ITGB7: variants seen among roughly 807,000 people sequenced by gnomAD.
ITGB7 encodes the protein integrin subunit beta 7.
In ITGB7, 55 loss-of-function variants were observed where a neutral mutation model predicts 83.4. The observed-to-expected ratio is 0.66, with a 90% CI of 0.53 to 0.83. The LOEUF is 0.83. Ranked by LOEUF, ITGB7 falls within the 40% of genes least tolerant of loss-of-function variation. ITGB7 has a pLI of 0.00. For synonymous variants in ITGB7, 454 were observed against 423.6 expected (o/e 1.07, Z -0.88); for missense variants, 921 against 1,046.7 (o/e 0.88, Z 1.66).
intron 3 of ITGB7, among the ~76,000 whole-genome samples, chr12:53,198,315 C>T (rs1046623191): frequency 1.3e-5 from 2 of 151,986 alleles, no homozygotes; most frequent in Non-Finnish European, 2.9e-5. Context: ...TTAGTAGAGA[C>T]GGGATTTCCC....
chr12:53,192,505 G>C lies in ITGB7; in HGVS notation c.1980C>G (p.Gly660=), dbSNP rs1236985418. 6.2e-7 allele frequency: 1 copy of C among 1,614,172 alleles called. No individual in the cohort carries two copies. The highest frequency in any genetic ancestry group is 8.5e-7 in the Non-Finnish European group (1 of 1,180,046). The part of the protein sequence containing the change: ...DCAECGAFRT[G]PLATNCSTAC... The stretch of plus-strand genomic sequence containing the variant: ...CTGTACTGCAGTTGGTGGCCAGTGG[G>C]CCAGTCCTGAAGGCCCCACACTCTG... Residue 660 remains glycine (G), a synonymous_variant, in exon 14 of 16, where the codon GGC becomes GGG. Coordinates refer to ENST00000267082, the MANE Select transcript of ITGB7 (RefSeq NM_000889.3).
At chr12:53,201,729 A>C (rs1004479558) in intron 1 of ITGB7, among the ~76,000 whole-genome samples, 2 of 152,198 alleles carry the variant, frequency 1.3e-5, no homozygotes, top group Non-Finnish European at 2.9e-5. Flanking sequence ...ATCTTGTAAA[A>C]AAGATACTGC....
At position 53,192,823 on chromosome 12, in the gene ITGB7, C is replaced by G. The variant is rs1017309968; in HGVS notation, c.1814G>C (p.Cys605Ser). Residue 605 changes from cysteine to serine, a missense_variant, in exon 13 of 16, where the codon TGC becomes TCC. Cys to Ser is a moderately radical substitution (Grantham distance 112). Transcript: ENST00000267082. ...ACECSGDMDSCISPEGGLCSG... is the reference protein window; with the variant it reads ...ACECSGDMDSSISPEGGLCSG... Reference sequence around the variant, plus strand: ...GCAGAGCCCTCCCTCGGGACTGATGCAACTGTCCATGTCCCCACTGCATTC... The same window carrying G: ...GCAGAGCCCTCCCTCGGGACTGATGGAACTGTCCATGTCCCCACTGCATTC... The G allele has an allele frequency of 2.5e-6, 4 of 1,614,234 alleles. No individual in the cohort carries two copies. The highest frequency in any genetic ancestry group is 2.5e-6 in the Non-Finnish European group (3 of 1,180,050).
At chr12:53,203,626 C>G (rs1218550020) in intron 1 of ITGB7, among the ~76,000 whole-genome samples, 1 of 119,370 alleles carries the variant, frequency 8.4e-6, no homozygotes, top group Middle Eastern at 7.6e-3. Flanking sequence ...CCAGCCTAGG[C>G]GACAGAGCGA....
chr12:53,205,849 C>T (rs1942431000), intron 1 of ITGB7, among the ~76,000 whole-genome samples: 1 of 152,154 alleles, frequency 6.6e-6, no homozygotes, highest in South Asian at 2.1e-4. Context: ...TCCCCACCAC[C>T]TGTGACCTCA....
At chr12:53,200,112 T>C in intron 3 of ITGB7, 131 bp downstream of exon 3, 1 of 770,406 alleles carries the variant, frequency 1.3e-6, no homozygotes, top group East Asian at 2.7e-5. Flanking sequence ...CAGTCACACA[T>C]GAGACTGTGG....
intron 15 of ITGB7, 79 bp from the exon 16 acceptor site, chr12:53,191,715 G>T: frequency 6.5e-7 from 1 of 1,534,254 alleles, no homozygotes; most frequent in Non-Finnish European, 9.0e-7. Flanking sequence ...GGCCAGCCTT[G>T]AGCCGAATCC....
At chr12:53,204,040 A>G (rs1942379263) in intron 1 of ITGB7, among the ~76,000 whole-genome samples, 1 of 152,208 alleles carries the variant, frequency 6.6e-6, no homozygotes, top group East Asian at 1.9e-4. Context: ...ATGGATAAAG[A>G]AAAGGTGGTA....
intron 2 of ITGB7, 106 bp downstream of exon 2, chr12:53,200,966 C>G (rs900053623): frequency 6.4e-6 from 1 of 155,366 alleles, no homozygotes; most frequent in Non-Finnish European, 1.4e-5. Context: ...GAAGATCTGT[C>G]CTTCCTGTGT....
At chr12:53,195,097 T>G in intron 9 of ITGB7, 2 of 480,846 alleles carry the variant, frequency 4.2e-6, no homozygotes, top group Non-Finnish European at 7.6e-6. Flanking sequence ...TATGTACACC[T>G]AGGATGGTGG....
intron 10 of ITGB7, 69 bp downstream of exon 10, chr12:53,194,129 T>C: frequency 6.2e-7 from 1 of 1,602,346 alleles, no homozygotes; most frequent in Non-Finnish European, 8.5e-7. Flanking sequence ...ACCCATCTTT[T>C]CCTGCCTGCT....
intron 3 of ITGB7, among the ~76,000 whole-genome samples, chr12:53,199,379 TGCTTC>T: frequency 6.6e-6 from 1 of 152,276 alleles, no homozygotes; most frequent in East Asian, 1.9e-4. Flanking sequence ...CAAGCCCATA[TGCTTC>T]CACCCCTTCC....
At chr12:53,203,474 C>G (rs1942363187) in intron 1 of ITGB7, among the ~76,000 whole-genome samples, 1 of 151,266 alleles carries the variant, frequency 6.6e-6, no homozygotes, top group Non-Finnish European at 1.5e-5. Context: ...ATGGTGAAAC[C>G]CCATCTTTGC....
rs570760616 is a variant in ITGB7 at position 53,193,979 on chromosome 12, C to T, written c.1309-78G>A. Reference sequence around the variant, plus strand: ...CCCAAACTCACCAATCATCCAGAACCTCACCCCTTAGTAAATGAAGGGATG... The same window carrying T: ...CCCAAACTCACCAATCATCCAGAACTTCACCCCTTAGTAAATGAAGGGATG... On this transcript the variant is annotated intron_variant, in intron 10 of 15. Coordinates refer to ENST00000267082, the MANE Select transcript of ITGB7 (RefSeq NM_000889.3). 3 of 1,419,044 alleles carry T rather than the reference C, an allele frequency of 2.1e-6. No homozygotes were observed. The East Asian group carries it at 6.9e-5, about 33-fold the overall frequency. The allele number at this position is 1,419,044 out of a possible 1,614,324, so 87.9% of individuals were successfully genotyped here. A position where few individuals can be genotyped will look rare whatever the true frequency, so the allele number is the denominator to read the frequency against.
Position 53,197,949 on chromosome 12 carries a change from G to A in ITGB7, c.204C>T (p.Asn68=). The part of the protein sequence containing the change: ...HPSCAWCKQL[N]FTASGEAEAR... Reference sequence around the variant, plus strand: ...CCTCCGCCTCTCCCGACGCGGTGAAGTTCTGCTCAGCAAGAAAAGGCGCGT... The same window carrying A: ...CCTCCGCCTCTCCCGACGCGGTGAAATTCTGCTCAGCAAGAAAAGGCGCGT... The change falls in exon 4 of 16, where the codon AAC becomes AAT. Residue 68 remains asparagine, a splice_region_variant and synonymous_variant. Transcript: ENST00000267082. 1 of 1,538,936 alleles carries A rather than the reference G, an allele frequency of 6.5e-7. No individual in the cohort carries two copies.
chr12:53,200,702 G>A (rs902557703), intron 2 of ITGB7, among the ~76,000 whole-genome samples: 2 of 152,118 alleles, frequency 1.3e-5, no homozygotes, highest in African/African-American at 4.8e-5. Context: ...GCCAAGGTGG[G>A]TGGATCACCT....
intron 3 of ITGB7, among the ~76,000 whole-genome samples, chr12:53,198,443 A>C (rs1416264121): frequency 6.6e-6 from 1 of 151,320 alleles, no homozygotes; most frequent in Non-Finnish European, 1.5e-5. Context: ...TACTGTAAAG[A>C]CAGGGTCTTG....
chr12:53,204,833 CTT>C lies in ITGB7; in HGVS notation c.-127+2367_-127+2368del, dbSNP rs763869314. On this transcript the variant is annotated intron_variant, in intron 1 of 15. Coordinates refer to ENST00000267082, the MANE Select transcript of ITGB7 (RefSeq NM_000889.3). ...CTATCTTTGTTTCTTTTTTCTTTAC[CTT>C]TTTTTTTTTTTTTTTTTTGGCAGAG... Among the ~76,000 whole-genome samples, 884 of 128,928 alleles carry C rather than the reference CTT, an allele frequency of 6.9e-3. 9 individuals carry two copies. Among genetic ancestry groups the C allele is most frequent in the African/African-American group, 0.026 (837 of 31,780 alleles). 84.6% of individuals were successfully genotyped at this position (128,928 alleles called of 152,430 possible).
At chr12:53,207,070 GT>G (rs1942458820) in intron 1 of ITGB7, 131 bp downstream of exon 1, 1 of 152,456 alleles carries the variant, frequency 6.6e-6, no homozygotes. Context: ...GCAGAAAGGA[GT>G]TCAGAGCCTT....
Sources: allele counts gnomAD v4.1 joint callset (sites outside exome capture counted in the v4.1 genomes callset), GRCh38; gene constraint gnomAD v4.1.1; transcripts MANE v1.5; gene names NCBI Gene and HGNC (gene_info 2026-07-23, HGNC 2026-07-21).